The following MCCC1 variants were observed in gnomAD, a reference collection of about 807,000 sequenced individuals.
MCCC1 encodes the protein methylcrotonyl-CoA carboxylase subunit 1, also known as methylcrotonoyl-CoA carboxylase subunit alpha, mitochondrial.
In MCCC1, 64 loss-of-function variants were observed where a neutral mutation model predicts 83.8. That is an observed-to-expected ratio of 0.76 (90% CI 0.62 to 0.94). The LOEUF (loss-of-function observed/expected upper bound fraction) is 0.94. Ranked by LOEUF, MCCC1 falls within the 40% of genes least tolerant of loss-of-function variation. MCCC1 has a pLI of 0.00. For missense variants in MCCC1, 807 were observed against 904.7 expected, an observed-to-expected ratio of 0.89 and a Z score of 1.39; for synonymous variants, 322 against 315.4, an observed-to-expected ratio of 1.02 and a Z score of -0.22.
chr3:183,105,300 C>T (rs1022251052), intron 1 of MCCC1, among the ~76,000 whole-genome samples: 12 of 152,170 alleles, frequency 7.9e-5, no homozygotes, highest in East Asian at 1.9e-4. Context: ...GCTGAGGTCA[C>T]GCCATTGCAC....
At chr3:183,091,241 T>G (rs967105492) in intron 3 of MCCC1, among the ~76,000 whole-genome samples, 3 of 152,016 alleles carry the variant, frequency 2.0e-5, no homozygotes, top group Non-Finnish European at 4.4e-5. Context: ...ACAGTGGGAG[T>G]CACCTATGCT....
At chr3:183,091,279 A>C (rs1718310894) in intron 3 of MCCC1, among the ~76,000 whole-genome samples, 1 of 152,098 alleles carries the variant, frequency 6.6e-6, no homozygotes, top group African/African-American at 2.4e-5. Context: ...GATAAAAGCT[A>C]GTGATAGGCT....
intron 4 of MCCC1, among the ~76,000 whole-genome samples, chr3:183,085,424 G>C (rs2108551099): frequency 6.6e-6 from 1 of 152,136 alleles, no homozygotes; most frequent in East Asian, 1.9e-4. Context: ...GAGCCTAGGA[G>C]TTCAACACCA....
intron 9 of MCCC1, among the ~76,000 whole-genome samples, chr3:183,051,582 A>G (rs1053013155): frequency 2.0e-5 from 3 of 152,204 alleles, no homozygotes; most frequent in Non-Finnish European, 2.9e-5. Context: ...ATACCATAGT[A>G]CAATGGTGGA....
At chr3:183,079,932 C>A (rs1717362650) in intron 4 of MCCC1, among the ~76,000 whole-genome samples, 1 of 152,190 alleles carries the variant, frequency 6.6e-6, no homozygotes, top group Non-Finnish European at 1.5e-5. Flanking sequence ...GAAGCAACAG[C>A]CCAAGTAGTA....
chr3:183,110,550 C>T (rs888304079), intron 1 of MCCC1, among the ~76,000 whole-genome samples: 46 of 152,156 alleles, frequency 3.0e-4, no homozygotes, highest in Admixed American at 8.5e-4. Flanking sequence ...CCCGCCACTA[C>T]GCCTGGCTAA....
chr3:183,089,092 G>A (rs1718128226), intron 3 of MCCC1, among the ~76,000 whole-genome samples: 1 of 152,162 alleles, frequency 6.6e-6, no homozygotes, highest in Admixed American at 6.5e-5. Context: ...CCTTGAAATG[G>A]TTTTACCAAT....
intron 1 of MCCC1, among the ~76,000 whole-genome samples, chr3:183,098,059 G>A (rs1345034960): frequency 6.6e-6 from 1 of 152,126 alleles, no homozygotes; most frequent in Non-Finnish European, 1.5e-5. Flanking sequence ...GGACTAACAG[G>A]CGGGACTATA....
Position 183,017,277 on chromosome 3 carries a change from T to C in MCCC1, c.2038A>G (p.Met680Val). Residue 680 changes from methionine (M) to valine (V), a missense_variant, in exon 18 of 19, where the codon ATG becomes GTG. Met to Val is a conservative substitution (Grantham distance 21, BLOSUM62 1). Transcript: ENST00000265594. ...AGDSLMVMIA[M>V]KMEHTIKSPK... The stretch of plus-strand genomic sequence containing the variant: ...CATGATTTCCTTACCTCCATCTTCA[T>C]GGCGATCATAACCATGAGGGAATCT... 1 of 1,613,878 alleles carries C rather than the reference T, an allele frequency of 6.2e-7. No homozygotes were observed. The highest frequency in any genetic ancestry group is 1.1e-5 in the South Asian group (1 of 91,088).
chr3:183,022,416 C>T lies in MCCC1; in HGVS notation c.1869+1G>A, dbSNP rs990505166. 7 of 1,613,872 alleles carry T rather than the reference C, an allele frequency of 4.3e-6. No individual in the cohort carries two copies. Among genetic ancestry groups the T allele is most frequent in the Middle Eastern group, 1.6e-4 (1 of 6,082 alleles). ...GGGATATTATAAAGAAGAGACATTA[C>T]CTTGGAAAATAGGTAAATAGTGTTT... On this transcript the variant is annotated splice_donor_variant, in intron 16 of 18. Coordinates refer to ENST00000265594, the MANE Select transcript of MCCC1 (RefSeq NM_020166.5). LOFTEE classifies it high-confidence loss of function.
At chr3:183,107,447 C>T (rs1297709990) in intron 1 of MCCC1, among the ~76,000 whole-genome samples, 2 of 151,352 alleles carry the variant, frequency 1.3e-5, no homozygotes, top group East Asian at 3.9e-4. Flanking sequence ...AAAGAAAACA[C>T]TGTAGTACAC....
intron 14 of MCCC1, among the ~76,000 whole-genome samples, chr3:183,026,169 A>G (rs992815308): frequency 1.3e-5 from 2 of 152,062 alleles, no homozygotes; most frequent in Non-Finnish European, 2.9e-5. Flanking sequence ...CAGCCTCCCA[A>G]GTAGCTGGGA....
intron 18 of MCCC1, among the ~76,000 whole-genome samples, chr3:183,015,837 G>A (rs1014925977): frequency 3.3e-5 from 5 of 151,768 alleles, no homozygotes; most frequent in Admixed American, 1.3e-4. Context: ...GGTGTAGCTC[G>A]CAGTTCTCAA....
upstream of MCCC1, among the ~76,000 whole-genome samples, chr3:183,103,842 G>A (rs1180797733): frequency 2.0e-5 from 3 of 152,210 alleles, no homozygotes; most frequent in East Asian, 5.8e-4. Flanking sequence ...AGCCCACGGA[G>A]CGGGGGGAGG....
At chr3:183,092,638 G>A in intron 2 of MCCC1, 93 bp from the exon 3 acceptor site, 8 of 1,519,936 alleles carry the variant, frequency 5.3e-6, no homozygotes, top group East Asian at 2.3e-5. Context: ...ATAAGGACTC[G>A]ACTGATAAGT....
At chr3:183,065,562 T>C (rs1716194629) in intron 7 of MCCC1, among the ~76,000 whole-genome samples, 1 of 145,914 alleles carries the variant, frequency 6.9e-6, no homozygotes, top group African/African-American at 2.8e-5. Flanking sequence ...AATGCGTTTT[T>C]TTTGTTTTGT....
Position 183,015,464 on chromosome 3 carries a change from C to G in MCCC1, c.2152G>C (p.Glu718Gln). 2 of 1,614,162 alleles carry G rather than the reference C, an allele frequency of 1.2e-6. No homozygotes were observed. The highest frequency in any genetic ancestry group is 1.7e-6 in the Non-Finnish European group (2 of 1,180,020). Residue 718 changes from glutamate to glutamine, a missense_variant, in exon 19 of 19, where the codon GAA becomes CAA. Physicochemically the swap from Glu to Gln is conservative, Grantham distance 29 (BLOSUM62 2). Coordinates refer to ENST00000265594, the MANE Select transcript of MCCC1 (RefSeq NM_020166.5). ...TATTCCGATTCCCTTTTGTCTGATTCTTCCTCCTCAAACTCGACTAAAGGA... is the reference window on the plus strand; with the variant it reads ...TATTCCGATTCCCTTTTGTCTGATTGTTCCTCCTCAAACTCGACTAAAGGA... ...HTPLVEFEEEESDKRESE is the reference protein window; with the variant it reads ...HTPLVEFEEEQSDKRESE
At chr3:183,089,392 G>GCCTATAATC (rs1295631104) in intron 3 of MCCC1, among the ~76,000 whole-genome samples, 1 of 152,126 alleles carries the variant, frequency 6.6e-6, no homozygotes, top group Non-Finnish European at 1.5e-5. Context: ...GGTGGCTTAT[G>GCCTATAATC]CCTATAATCC....
intron 4 of MCCC1, among the ~76,000 whole-genome samples, chr3:183,082,999 A>T (rs1717625586): frequency 6.6e-6 from 1 of 151,986 alleles, no homozygotes; most frequent in African/African-American, 2.4e-5. Flanking sequence ...TAAAAAAAAA[A>T]GGCTAGCCTA....
Sources: allele counts gnomAD v4.1 joint callset (sites outside exome capture counted in the v4.1 genomes callset), GRCh38; gene constraint gnomAD v4.1.1; transcripts MANE v1.5; gene names NCBI Gene and HGNC (gene_info 2026-07-23, HGNC 2026-07-21).